Variants in CD163L1 observed in about 807,000 individuals in gnomAD.
CD163L1 encodes the protein CD163 molecule like 1.
In CD163L1, 124 loss-of-function variants were observed where a neutral mutation model predicts 165.4. The ratio of observed to expected loss-of-function variants is 0.75; its 90% CI spans 0.65 to 0.87. CD163L1 has a LOEUF of 0.87. Ranked by LOEUF, CD163L1 falls within the 40% of genes least tolerant of loss-of-function variation. CD163L1 has a pLI of 0.00. For missense variants in CD163L1, 1,525 were observed against 1,799.9 expected (o/e 0.85, Z 2.76); for synonymous variants, 585 against 662.2 (o/e 0.88, Z 1.79).
At chr12:7,348,927 A>C (rs777402228) in intron 4 of CD163L1, among the ~76,000 whole-genome samples, 2 of 151,998 alleles carry the variant, frequency 1.3e-5, no homozygotes, top group East Asian at 3.9e-4. Flanking sequence ...TTACCTCTAT[A>C]ATCTCAGCAC....
At chr12:7,437,247 G>GTATTTAAATACTATTTAAATAC (rs1337411890) in intron 2 of CD163L1, among the ~76,000 whole-genome samples, 1 of 122,918 alleles carries the variant, frequency 8.1e-6, no homozygotes, top group Non-Finnish European at 1.7e-5. Flanking sequence ...CTTTTAAATA[G>GTATTTAAATACTATTTAAATAC]TATTTAAATA....
chr12:7,437,948 C>T (rs746442676), intron 2 of CD163L1, among the ~76,000 whole-genome samples: 3 of 151,542 alleles, frequency 2.0e-5, no homozygotes, highest in Admixed American at 2.0e-4. Flanking sequence ...ATAGTCTTAA[C>T]CAATCATGAC....
chr12:7,338,538 C>T, the CD163L1 span, among the ~76,000 whole-genome samples: 1 of 152,152 alleles, frequency 6.6e-6, no homozygotes, highest in Admixed American at 6.5e-5. Flanking sequence ...AAGATTGGCT[C>T]TAGGGCTGAG....
chr12:7,338,532 T>C, the CD163L1 span, among the ~76,000 whole-genome samples: 2 of 152,162 alleles, frequency 1.3e-5, no homozygotes, highest in African/African-American at 4.8e-5. Context: ...CTGAGTAAGA[T>C]TGGCTCTAGG....
chr12:7,322,130 T>A, the CD163L1 span, among the ~76,000 whole-genome samples: 1 of 152,210 alleles, frequency 6.6e-6, no homozygotes, highest in Non-Finnish European at 1.5e-5. Flanking sequence ...GCACTTAGTA[T>A]CATTAATAGC....
intron 8 of CD163L1, among the ~76,000 whole-genome samples, chr12:7,391,955 A>G (rs1407349482): frequency 2.0e-5 from 3 of 152,048 alleles, no homozygotes; most frequent in Non-Finnish European, 1.5e-5. Flanking sequence ...AGAGACTTAC[A>G]CTCCCACACA....
chr12:7,344,919 G>A (rs1180716475), downstream of CD163L1, among the ~76,000 whole-genome samples: 2 of 152,342 alleles, frequency 1.3e-5, no homozygotes, highest in East Asian at 3.9e-4. Flanking sequence ...AGGCTGCACA[G>A]GGCAGTAGGC....
In CD163L1 at chr12:7,382,628, G is replaced by A. The variant is rs774749646; in HGVS notation, c.2051-3330C>T. On this transcript the variant is annotated intron_variant, in intron 8 of 19. Coordinates refer to ENST00000313599, the MANE Select transcript of CD163L1 (RefSeq NM_174941.6). Reference sequence around the variant, plus strand: ...GAGCCCCTCAGCTTCTGTGGGCTCTGAGACTAGTACAGGGAGCTGCCTAGA... The same window carrying A: ...GAGCCCCTCAGCTTCTGTGGGCTCTAAGACTAGTACAGGGAGCTGCCTAGA... 2.6e-5 allele frequency among the ~76,000 whole-genome samples: 4 copies of A among 152,300 alleles called. No homozygotes were observed. In the South Asian group the frequency reaches 6.2e-4, roughly 24 times the overall value.
Position 7,375,389 on chromosome 12 carries a change from G to A in CD163L1, c.2893C>T (p.His965Tyr). Reference protein sequence around the residue: ...IGERSVRVWGHRFHCLGNESL... With the variant: ...IGERSVRVWGYRFHCLGNESL... ...TCATTCCCTAAGCAATGAAACCTGT[G>A]TCCCCACACACGAACACTTCTTTCT... Residue 965 changes from histidine to tyrosine, a missense_variant, in exon 11 of 20, where the codon CAC becomes TAC. By Grantham distance (83) the His-to-Tyr change is moderately conservative. Transcript: ENST00000313599. The A allele has an allele frequency of 6.2e-7, 1 of 1,614,156 alleles. No individual in the cohort carries two copies. Among genetic ancestry groups the A allele is most frequent in the East Asian group, 2.2e-5 (1 of 44,880 alleles).
intron 8 of CD163L1, among the ~76,000 whole-genome samples, chr12:7,380,363 G>GCGTATACATACATGTATGTGTGTATACA (rs1947366759): frequency 1.3e-4 from 18 of 137,490 alleles, no homozygotes; most frequent in Non-Finnish European, 2.2e-4. Context: ...GTGTGTATAC[G>GCGTATACATACATGTATGTGTGTATACA]CGTATACATA....
the CD163L1 span, among the ~76,000 whole-genome samples, chr12:7,336,225 A>T: frequency 3.0e-3 from 353 of 118,652 alleles, no homozygotes; most frequent in South Asian, 7.0e-3. Flanking sequence ...TTATTGCGGC[A>T]CTATTCACAA....
chr12:7,403,958 AC>A (rs1947965065), intron 5 of CD163L1, 103 bp from the exon 6 acceptor site: 1 of 776,808 alleles, frequency 1.3e-6, no homozygotes, highest in South Asian at 2.3e-5. Flanking sequence ...TGTATCCTTC[AC>A]ATACTGAGAA....
intron 6 of CD163L1, among the ~76,000 whole-genome samples, chr12:7,403,256 C>T (rs1947948331): frequency 6.6e-6 from 1 of 152,054 alleles, no homozygotes; most frequent in South Asian, 2.1e-4. Context: ...TAGTACAACT[C>T]ATTAGTTTTC....
chr12:7,372,638 A>C lies in CD163L1; in HGVS notation c.3730+682T>G, dbSNP rs1947168692. On this transcript the variant is annotated intron_variant, in intron 14 of 19. Coordinates refer to ENST00000313599, the MANE Select transcript of CD163L1 (RefSeq NM_174941.6). This position sits in a 1 kb window ranked among gnomAD's most constrained non-coding sequence, Gnocchi z 4.2. The stretch of plus-strand genomic sequence containing the variant: ...ACTACATTACATGCATATATATCAT[A>C]CTATATATACATATACATATATAGT... Among the ~76,000 whole-genome samples the C allele has an allele frequency of 6.6e-6, 1 of 151,780 alleles. No homozygotes were observed. The highest frequency in any genetic ancestry group is 1.5e-5 in the Non-Finnish European group (1 of 67,880).
At chr12:7,365,546 A>G (rs1315860570) in intron 18 of CD163L1, among the ~76,000 whole-genome samples, 1 of 152,132 alleles carries the variant, frequency 6.6e-6, no homozygotes, top group Non-Finnish European at 1.5e-5. Flanking sequence ...AAATATATAG[A>G]GCTCAGACAA....
At chr12:7,362,510 TAATA>T (rs1229467074) in intron 18 of CD163L1, among the ~76,000 whole-genome samples, 2 of 141,718 alleles carry the variant, frequency 1.4e-5, no homozygotes, top group African/African-American at 5.2e-5. Context: ...TATATTAAAT[TAATA>T]GTTATTACAT....
chr12:7,433,709 G>GA lies in CD163L1; in HGVS notation c.125-16dup. The GA allele has an allele frequency of 6.3e-7, 1 of 1,584,234 alleles. No homozygotes were observed. Among genetic ancestry groups the GA allele is most frequent in the African/African-American group, 1.3e-5 (1 of 74,256 alleles). ...ATCTGTTCCATCTGCAAGAAAGACA[G>GA]AAACATACATTAGAGATGGCAAAGA... On this transcript the variant is annotated splice_polypyrimidine_tract_variant and intron_variant, in intron 2 of 19. Transcript: ENST00000313599.
intron 4 of CD163L1, among the ~76,000 whole-genome samples, chr12:7,348,097 A>C (rs965850489): frequency 2.0e-5 from 3 of 152,128 alleles, no homozygotes; most frequent in Non-Finnish European, 2.9e-5. Context: ...TTTTTTTCTT[A>C]TATTTGTCTA....
At chr12:7,419,961 A>G (rs1237864348) in intron 4 of CD163L1, among the ~76,000 whole-genome samples, 1 of 151,984 alleles carries the variant, frequency 6.6e-6, no homozygotes, top group African/African-American at 2.4e-5. Flanking sequence ...ACTTCAAACT[A>G]TAAGGCAATA....
Sources: gnomAD v4.1 joint callset for allele counts (sites outside exome capture counted in the v4.1 genomes callset) on GRCh38, gnomAD v4.1.1 for gene constraint, Gnocchi (gnomAD v3.1) non-coding constraint, MANE v1.5 for transcripts, NCBI Gene and HGNC (gene_info 2026-07-23, HGNC 2026-07-21) for gene names.